Variants in HIVEP3 observed in about 807,000 individuals in gnomAD.
HIVEP3 encodes the protein transcription factor HIVEP3.
Under a neutral mutation model 152.8 loss-of-function variants are expected in HIVEP3, and 49 were observed. The ratio of observed to expected loss-of-function variants is 0.32; its 90% CI spans 0.26 to 0.41. The LOEUF is 0.41. Ranked by LOEUF, HIVEP3 falls within the 10% of genes least tolerant of loss-of-function variation. The probability of loss-of-function intolerance (pLI) is 1.00; values close to 1 mark genes in which losing one functional copy is unlikely to be tolerated. For missense variants in HIVEP3, 2,790 were observed against 3,103.3 expected (o/e 0.90, Z 2.40); for synonymous variants, 1,269 against 1,289.0 (o/e 0.98, Z 0.33).
chr1:41,742,701 C>T (rs2124208540), intron 1 of HIVEP3, among the ~76,000 whole-genome samples: 2 of 152,298 alleles, frequency 1.3e-5, no homozygotes, highest in East Asian at 3.9e-4. Context: ...TGTCTATCTG[C>T]CCACTGGGTC....
At chr1:41,777,070 G>C (rs550177234) in intron 1 of HIVEP3, among the ~76,000 whole-genome samples, 223 of 152,318 alleles carry the variant, frequency 1.5e-3, no homozygotes, top group Non-Finnish European at 2.4e-3. Flanking sequence ...GAGTCAACAG[G>C]AGGGCCGTGG....
intron 1 of HIVEP3, among the ~76,000 whole-genome samples, chr1:41,981,358 G>A (rs1228116222): frequency 6.6e-6 from 1 of 152,188 alleles, no homozygotes; most frequent in Non-Finnish European, 1.5e-5. Context: ...ACGGAGCTGG[G>A]AAGCAAACGG....
rs116815836 is a variant in HIVEP3 at position 41,769,128 on chromosome 1, A to G, written c.-800-68133T>C. ...ACACCAAATGGTTCCCTTTTGTAGCAAGAATCATTTCATTTGCTCCTTGAC... is the reference window on the plus strand; with the variant it reads ...ACACCAAATGGTTCCCTTTTGTAGCGAGAATCATTTCATTTGCTCCTTGAC... On this transcript the variant is annotated intron_variant, in intron 1 of 8. Coordinates refer to ENST00000372583, the MANE Select transcript of HIVEP3 (RefSeq NM_024503.5). Among the ~76,000 whole-genome samples the G allele has an allele frequency of 3.8e-3, 578 of 152,312 alleles. 4 individuals are homozygous for G. Among genetic ancestry groups the G allele is most frequent in the African/African-American group, 0.013 (531 of 41,546 alleles).
At chr1:41,940,885 A>T (rs2124485139) in intron 1 of HIVEP3, among the ~76,000 whole-genome samples, 1 of 149,122 alleles carries the variant, frequency 6.7e-6, no homozygotes, top group South Asian at 2.3e-4. Flanking sequence ...GGAAGGAGGG[A>T]GGGAGCGGGG....
intron 1 of HIVEP3, among the ~76,000 whole-genome samples, chr1:41,995,455 A>G (rs1645390702): frequency 6.6e-6 from 1 of 152,210 alleles, no homozygotes; most frequent in South Asian, 2.1e-4. Flanking sequence ...ATTTTCAGAC[A>G]AAAACTGAAT....
At chr1:41,923,370 G>A (rs1036160611), upstream of HIVEP3, among the ~76,000 whole-genome samples, 1 of 152,210 alleles carries the variant, frequency 6.6e-6, no homozygotes, top group Non-Finnish European at 1.5e-5. Flanking sequence ...ATTATGTTAA[G>A]TGAATTAAGC....
chr1:41,617,000 T>C (rs997896816), intron 3 of HIVEP3, among the ~76,000 whole-genome samples: 5 of 152,168 alleles, frequency 3.3e-5, no homozygotes, highest in African/African-American at 1.2e-4. Context: ...GCAACACAGT[T>C]TGTAAGTGGT....
At chr1:41,850,001 T>C (rs1237877561) in intron 1 of HIVEP3, among the ~76,000 whole-genome samples, 1 of 152,196 alleles carries the variant, frequency 6.6e-6, no homozygotes, top group African/African-American at 2.4e-5. Context: ...TAGACCCAAA[T>C]CTTAAAGCAC....
rs1452291437 is a variant in HIVEP3 at position 41,918,147 on chromosome 1, CG to C, written c.-801+265del. On this transcript the variant is annotated intron_variant, in intron 1 of 8. Transcript: ENST00000372583. This position sits in a 1 kb window ranked among gnomAD's most constrained non-coding sequence, Gnocchi z 4.3. ...GCCGCCGCCGCCTGTGATTGACGCG[CG>C]GGGGTCACTTGAGGCTCGCGCCGCT... Among the ~76,000 whole-genome samples, 4 of 152,142 alleles carry C rather than the reference CG, an allele frequency of 2.6e-5. No homozygotes were observed. Among genetic ancestry groups the C allele is most frequent in the Non-Finnish European group, 4.4e-5 (3 of 68,006 alleles).
intron 1 of HIVEP3, among the ~76,000 whole-genome samples, chr1:41,724,071 G>T (rs12567875): frequency 0.023 from 3,436 of 152,256 alleles, 184 homozygotes; most frequent in East Asian, 0.22. Flanking sequence ...ATATCATGAG[G>T]GGGGAGGGGC....
chr1:41,852,548 C>A (rs532882294), intron 1 of HIVEP3, among the ~76,000 whole-genome samples: 12 of 152,222 alleles, frequency 7.9e-5, no homozygotes, highest in Non-Finnish European at 1.6e-4. Context: ...CTCCCAAAAG[C>A]AGGGCCTATA....
intron 2 of HIVEP3, among the ~76,000 whole-genome samples, chr1:41,640,105 A>T (rs1055069746): frequency 8.5e-5 from 13 of 152,138 alleles, no homozygotes; most frequent in Non-Finnish European, 1.6e-4. Flanking sequence ...GCAGAAGAAA[A>T]GTTCATGGTT....
intron 2 of HIVEP3, among the ~76,000 whole-genome samples, chr1:41,691,072 T>C (rs1228925883): frequency 6.6e-6 from 1 of 152,236 alleles, no homozygotes; most frequent in Non-Finnish European, 1.5e-5. Context: ...TACTAGAGTC[T>C]ATCTCATGGA....
intron 5 of HIVEP3, among the ~76,000 whole-genome samples, chr1:41,562,709 G>C (rs1446931676): frequency 6.6e-6 from 1 of 151,552 alleles, no homozygotes; most frequent in African/African-American, 2.4e-5. Context: ...GAATGGGATA[G>C]GAGACTAACA....
chr1:41,652,418 C>A (rs1645564715), intron 2 of HIVEP3, among the ~76,000 whole-genome samples: 1 of 152,164 alleles, frequency 6.6e-6, no homozygotes, highest in Non-Finnish European at 1.5e-5. Context: ...GCCCCTAACC[C>A]TGATATGCCT....
At chr1:41,613,019 G>C (rs1294000070) in intron 3 of HIVEP3, among the ~76,000 whole-genome samples, 1 of 152,220 alleles carries the variant, frequency 6.6e-6, no homozygotes. Context: ...AGCGCCCAAG[G>C]AAGCTCCAAG....
At chr1:41,587,298 A>T (rs1644519294) in intron 3 of HIVEP3, among the ~76,000 whole-genome samples, 1 of 152,234 alleles carries the variant, frequency 6.6e-6, no homozygotes, top group Non-Finnish European at 1.5e-5. Context: ...ACTGTGTATC[A>T]GCAGAGATTC....
intron 4 of HIVEP3, among the ~76,000 whole-genome samples, chr1:41,576,699 C>CT (rs1644332471): frequency 6.6e-6 from 1 of 152,142 alleles, no homozygotes; most frequent in Non-Finnish European, 1.5e-5. Context: ...CAGCATGGGG[C>CT]TAGGTAGAAA....
chr1:41,595,896 A>G (rs534131946), intron 3 of HIVEP3, among the ~76,000 whole-genome samples: 6 of 152,278 alleles, frequency 3.9e-5, no homozygotes, highest in Admixed American at 3.9e-4. Context: ...CAGACGGCCT[A>G]TTGTGGGACC....
Sources: allele counts gnomAD v4.1 joint callset (sites outside exome capture counted in the v4.1 genomes callset), GRCh38; gene constraint gnomAD v4.1.1; non-coding constraint Gnocchi (gnomAD v3.1); transcripts MANE v1.5; gene names NCBI Gene and HGNC (gene_info 2026-07-23, HGNC 2026-07-21).